The following KLF9 variants were observed in gnomAD, a reference collection of about 807,000 sequenced individuals.
KLF9 encodes the protein Krueppel-like factor 9.
In KLF9, 2 loss-of-function variants were observed where a neutral mutation model predicts 17.3. The observed-to-expected ratio is 0.12, with a 90% CI of 0.05 to 0.36. The LOEUF is 0.36. Among genes scored for constraint, KLF9 ranks in the 10% least tolerant of loss-of-function variants. The pLI is 1.00. For missense variants in KLF9, 226 were observed against 333.2 expected, an observed-to-expected ratio of 0.68 and a Z score of 2.51; for synonymous variants, 138 against 139.2, an observed-to-expected ratio of 0.99 and a Z score of 0.06.
intron 1 of KLF9, among the ~76,000 whole-genome samples, chr9:70,400,766 A>G (rs577711098): frequency 1.3e-5 from 2 of 152,176 alleles, no homozygotes; most frequent in African/African-American, 4.8e-5. Context: ...GTGGCCATAA[A>G]TCCTACTCAT....
chr9:70,397,287 C>T (rs184438661), intron 1 of KLF9, among the ~76,000 whole-genome samples: 17 of 152,080 alleles, frequency 1.1e-4, no homozygotes, highest in Admixed American at 5.9e-4. Context: ...CCATCCTGGC[C>T]AACATGGTGA....
At chr9:70,405,709 T>G (rs1278966848) in intron 1 of KLF9, among the ~76,000 whole-genome samples, 1 of 152,100 alleles carries the variant, frequency 6.6e-6, no homozygotes, top group African/African-American at 2.4e-5. Context: ...TCAAAAAGGC[T>G]TTGGACACAC....
At chr9:70,392,631 C>G (rs1050765995) in intron 1 of KLF9, among the ~76,000 whole-genome samples, 1 of 152,102 alleles carries the variant, frequency 6.6e-6, no homozygotes. Flanking sequence ...TAGACGAGAA[C>G]AGAATTAAGG....
chr9:70,403,280 CT>C (rs1265268442), intron 1 of KLF9, among the ~76,000 whole-genome samples: 1 of 152,218 alleles, frequency 6.6e-6, no homozygotes, highest in East Asian at 1.9e-4. Context: ...TTGGCAACAA[CT>C]CCTTCCCCAT....
Position 70,386,066 on chromosome 9 carries a change from TA to T in KLF9, c.*1709del, listed in dbSNP as rs1387333056. On this transcript the variant is annotated 3_prime_UTR_variant, in exon 2 of 2. Coordinates refer to ENST00000377126, the MANE Select transcript of KLF9 (RefSeq NM_001206.4). ...ACGAGTATGGGTCAGGTGAAATAGGTAGGCACCCTATGTTTACACATTTCAG... is the reference window on the plus strand; with the variant it reads ...ACGAGTATGGGTCAGGTGAAATAGGTGGCACCCTATGTTTACACATTTCAG... 1 of 152,452 alleles carries T rather than the reference TA, an allele frequency of 6.6e-6. No individual in the cohort carries two copies. Among genetic ancestry groups the T allele is most frequent in the Non-Finnish European group, 1.5e-5 (1 of 68,040 alleles). 9.4% of individuals were successfully genotyped at this position (152,452 alleles called of 1,614,324 possible).
At chr9:70,391,443 T>C (rs1050998257) in intron 1 of KLF9, among the ~76,000 whole-genome samples, 7 of 152,202 alleles carry the variant, frequency 4.6e-5, no homozygotes, top group African/African-American at 1.7e-4. Context: ...AGTGCTGTCA[T>C]TGACCTAGCG....
intron 1 of KLF9, among the ~76,000 whole-genome samples, chr9:70,406,202 G>C (rs1195071257): frequency 6.6e-6 from 1 of 152,232 alleles, no homozygotes; most frequent in Non-Finnish European, 1.5e-5. Flanking sequence ...AGCCAAGCTT[G>C]AAGCTAGGGG....
Position 70,413,093 on chromosome 9 carries a change from C to T in KLF9, c.271G>A (p.Glu91Lys). 1 of 1,614,184 alleles carries T rather than the reference C, an allele frequency of 6.2e-7. No homozygotes were observed. Among genetic ancestry groups the T allele is most frequent in the Non-Finnish European group, 8.5e-7 (1 of 1,180,028 alleles). Reference sequence around the variant, plus strand: ...ACGTCGCTGTCGGATCCCATATCCTCATCTGGACTTTCCAGACTGTCGCTG... The same window carrying T: ...ACGTCGCTGTCGGATCCCATATCCTTATCTGGACTTTCCAGACTGTCGCTG... ...VCSDSLESPD[E>K]DMGSDSDVTT... Residue 91 changes from glutamate to lysine, a missense_variant, in exon 1 of 2, where the codon GAG becomes AAG. Physicochemically the swap from Glu to Lys is moderately conservative, Grantham distance 56 (BLOSUM62 1). Transcript: ENST00000377126. The surrounding 1 kb of genome is among the most constrained non-coding windows in gnomAD (Gnocchi z 5.6).
intron 1 of KLF9, among the ~76,000 whole-genome samples, chr9:70,405,852 C>T (rs1658609503): frequency 6.6e-6 from 1 of 152,138 alleles, no homozygotes; most frequent in Non-Finnish European, 1.5e-5. Context: ...CTGCTTGACA[C>T]TGGGATAAAA....
At chr9:70,408,301 G>T (rs1366992454) in intron 1 of KLF9, among the ~76,000 whole-genome samples, 1 of 152,116 alleles carries the variant, frequency 6.6e-6, no homozygotes, top group African/African-American at 2.4e-5. Flanking sequence ...GTAATGGAGG[G>T]GACAATTATG....
chr9:70,398,231 G>A (rs1478806762), intron 1 of KLF9, among the ~76,000 whole-genome samples: 1 of 152,188 alleles, frequency 6.6e-6, no homozygotes, highest in African/African-American at 2.4e-5. Flanking sequence ...CAGAGACAGT[G>A]TAGGGCTTAG....
chr9:70,413,376 G>C lies in KLF9; in HGVS notation c.-13C>G, dbSNP rs1399998346. 4.0e-6 allele frequency: 6 copies of C among 1,488,024 alleles called. No homozygotes were observed. The highest frequency in any genetic ancestry group is 1.3e-5 in the South Asian group (1 of 76,722). 92.2% of individuals were successfully genotyped at this position (1,488,024 alleles called of 1,614,324 possible). On this transcript the variant is annotated 5_prime_UTR_variant, in exon 1 of 2. Transcript: ENST00000377126. This position sits in a 1 kb window ranked among gnomAD's most constrained non-coding sequence, Gnocchi z 5.6. The stretch of plus-strand genomic sequence containing the variant: ...CGGCCGCGGACATGGTGCGGGCGAC[G>C]GCAGCCCAGGCGGCGCGGACAAACT...
At position 70,387,721 on chromosome 9, in the gene KLF9, G is replaced by A. The variant is rs926926431; in HGVS notation, c.*55C>T. ...TCAGTTTTCACGCGTCTGTTTCCTG[G>A]GAGTACTTTTCTCCTTTCGGGGTCC... is the stretch of plus-strand genomic sequence containing the variant. On this transcript the variant is annotated 3_prime_UTR_variant, in exon 2 of 2. Transcript: ENST00000377126. The A allele has an allele frequency of 1.3e-5, 19 of 1,493,360 alleles. No homozygotes were observed. Among genetic ancestry groups the A allele is most frequent in the Non-Finnish European group, 1.7e-5 (18 of 1,072,832 alleles). 92.5% of individuals were successfully genotyped at this position (1,493,360 alleles called of 1,614,324 possible). A position where few individuals can be genotyped will look rare whatever the true frequency, so the allele number is the denominator to read the frequency against.
chr9:70,412,683 GGAGA>G (rs1176773371), intron 1 of KLF9, among the ~76,000 whole-genome samples, 172 bp downstream of exon 1: 5 of 152,242 alleles, frequency 3.3e-5, no homozygotes, highest in Non-Finnish European at 7.3e-5. Flanking sequence ...GGACAATTAA[GGAGA>G]GAGTGAGCTT....
intron 1 of KLF9, among the ~76,000 whole-genome samples, chr9:70,410,314 A>G (rs188625304): frequency 1.3e-4 from 20 of 152,372 alleles, no homozygotes; most frequent in African/African-American, 4.1e-4. Context: ...GGCCAAGCCA[A>G]ACAAATCTGC....
intron 1 of KLF9, among the ~76,000 whole-genome samples, chr9:70,389,353 C>T (rs1414488748): frequency 6.6e-6 from 1 of 151,938 alleles, no homozygotes; most frequent in Non-Finnish European, 1.5e-5. Context: ...ACAAGCACTC[C>T]ACAAGGTTGC....
At chr9:70,400,139 G>A (rs965045123) in intron 1 of KLF9, among the ~76,000 whole-genome samples, 10 of 152,156 alleles carry the variant, frequency 6.6e-5, no homozygotes, top group Non-Finnish European at 1.5e-5. Context: ...AGGAGTTGGG[G>A]AGCTACAGCT....
intron 1 of KLF9, among the ~76,000 whole-genome samples, chr9:70,408,989 T>C (rs896873431): frequency 3.2e-5 from 3 of 95,070 alleles, no homozygotes; most frequent in Admixed American, 2.3e-4. Context: ...TTGCACTATA[T>C]ATATATATGT....
chr9:70,394,677 C>G (rs2037173007), intron 1 of KLF9, among the ~76,000 whole-genome samples: 1 of 152,018 alleles, frequency 6.6e-6, no homozygotes, highest in Non-Finnish European at 1.5e-5. Flanking sequence ...TGAAAAAATT[C>G]AAGATAACTG....
Sources: allele counts gnomAD v4.1 joint callset (sites outside exome capture counted in the v4.1 genomes callset), GRCh38; gene constraint gnomAD v4.1.1; non-coding constraint Gnocchi (gnomAD v3.1); transcripts MANE v1.5; gene names NCBI Gene and HGNC (gene_info 2026-07-23, HGNC 2026-07-21).